Variants in RHOT2 observed in about 807,000 individuals in gnomAD.
RHOT2 encodes the protein ras homolog family member T2, also known as mitochondrial Rho GTPase 2.
In RHOT2, 90 loss-of-function variants were observed where a neutral mutation model predicts 81.6. The observed-to-expected ratio is 1.10, with a 90% CI of 0.93 to 1.31. RHOT2 has a LOEUF of 1.31. Ranked by LOEUF, RHOT2 falls within the 40% of genes most tolerant of loss-of-function variation. The pLI is 0.00. For missense variants in RHOT2, 1,014 were observed against 841.9 expected (o/e 1.20, Z -2.53); for synonymous variants, 512 against 370.9 (o/e 1.38, Z -4.37).
chr16:669,478 A>G, intron 4 of RHOT2, 75 bp from the exon 5 acceptor site: 4 of 1,482,368 alleles, frequency 2.7e-6, no homozygotes, highest in Non-Finnish European at 3.7e-6. Context: ...GAGCCTCGAG[A>G]TGGCGTGGAA....
At chr16:670,008 G>A in intron 5 of RHOT2, 115 bp from the exon 6 acceptor site, 1 of 953,150 alleles carries the variant, frequency 1.0e-6, no homozygotes, top group African/African-American at 1.7e-5. Context: ...CGGGACTTGG[G>A]CCCTCAGTGG....
chr16:671,264 A>C (rs1042703076), intron 11 of RHOT2, 61 bp downstream of exon 11: 18 of 1,504,234 alleles, frequency 1.2e-5, no homozygotes, highest in African/African-American at 8.4e-5. Flanking sequence ...ACTGCCGACT[A>C]TCTCTCCCCT....
rs757700414 is a variant in RHOT2, at chr16:670,254, C to G, written c.335C>G (p.Pro112Arg). ...ACCATGGGCCTTCAACCCAGGGTGCCCATCATCCTAGTGGGCAACAAGTCA... is the reference window on the plus strand; with the variant it reads ...ACCATGGGCCTTCAACCCAGGGTGCGCATCATCCTAGTGGGCAACAAGTCA... The part of the protein sequence containing the change: ...NGGTTQGPRV[P>R]IILVGNKSDL... The change falls in exon 7 of 19, where the codon CCC (proline) becomes CGC (arginine). Residue 112 changes from proline to arginine, a missense_variant. Physicochemically the swap from Pro to Arg is moderately radical, Grantham distance 103. Transcript: ENST00000315082. The G allele has an allele frequency of 6.2e-7, 1 of 1,612,582 alleles. No homozygotes were observed.
upstream of RHOT2, chr16:668,127 G>T (rs1184583547): frequency 1.2e-5 from 5 of 418,762 alleles, no homozygotes; most frequent in East Asian, 1.4e-4. Context: ...GGCGGGCGCG[G>T]GGGCAGAGCG....
In RHOT2 at chr16:669,542, T is replaced by C; in HGVS notation, c.223-11T>C. On this transcript the variant is annotated splice_polypyrimidine_tract_variant and intron_variant, in intron 4 of 18. Coordinates refer to ENST00000315082, the MANE Select transcript of RHOT2 (RefSeq NM_138769.3). The stretch of plus-strand genomic sequence containing the variant: ...AGCCCTGTCACCCACACCTCATCAC[T>C]GTTCCCTCAGGCAAACGTGGTGTGT... The C allele has an allele frequency of 6.2e-7, 1 of 1,611,452 alleles. No homozygotes were observed. The highest frequency in any genetic ancestry group is 8.5e-7 in the Non-Finnish European group (1 of 1,179,716).
Position 672,206 on chromosome 16 carries a change from T to TGGGCCC in RHOT2, c.1195+26_1195+31dup, listed in dbSNP as rs745322312. 7 of 1,612,398 alleles carry TGGGCCC rather than the reference T, an allele frequency of 4.3e-6. No homozygotes were observed. In the South Asian group the frequency reaches 7.7e-5, roughly 18 times the overall value. On this transcript the variant is annotated intron_variant, in intron 14 of 18. Transcript: ENST00000315082. Reference sequence around the variant, plus strand: ...GGTAGGCACCCACCCTCCCTGGGCCTGGGCCCAGTATCCTGGCAGCTGCCC... The same window carrying TGGGCCC: ...GGTAGGCACCCACCCTCCCTGGGCCTGGGCCCGGGCCCAGTATCCTGGCAGCTGCCC...
At chr16:670,643 C>T (rs750567316) in intron 8 of RHOT2, 32 bp from the exon 9 acceptor site, 30 of 1,607,882 alleles carry the variant, frequency 1.9e-5, no homozygotes, top group Non-Finnish European at 2.5e-5. Context: ...CGGCGTGGGT[C>T]ACCTGAGGGT....
chr16:668,385 C>G lies in RHOT2; in HGVS notation c.70C>G (p.Leu24Val). Residue 24 changes from leucine to valine, a missense_variant, in exon 2 of 19, where the codon CTG becomes GTG. By Grantham distance (32) the Leu-to-Val change is conservative (BLOSUM62 1). Coordinates refer to ENST00000315082, the MANE Select transcript of RHOT2 (RefSeq NM_138769.3). Reference sequence around the variant, plus strand: ...GGGGAAGACGTCGCTGATCCTGTCCCTGGTGGGCGAGGAGTTCCCCGAGGA... The same window carrying G: ...GGGGAAGACGTCGCTGATCCTGTCCGTGGTGGGCGAGGAGTTCCCCGAGGA... Reference protein sequence around the residue: ...QVGKTSLILSLVGEEFPEEVP... With the variant: ...QVGKTSLILSVVGEEFPEEVP... 1 of 1,462,568 alleles carries G rather than the reference C, an allele frequency of 6.8e-7. No homozygotes were observed. Among genetic ancestry groups the G allele is most frequent in the Non-Finnish European group, 9.0e-7 (1 of 1,114,316 alleles). 90.6% of individuals were successfully genotyped at this position (1,462,568 alleles called of 1,614,324 possible).
intron 18 of RHOT2, 82 bp downstream of exon 18, chr16:673,212 C>G: frequency 6.9e-7 from 1 of 1,451,178 alleles, no homozygotes; most frequent in Non-Finnish European, 9.5e-7. Flanking sequence ...AGGCCTGGAA[C>G]TGGGGACTAG....
rs766977136 is a variant in RHOT2 at position 670,491 on chromosome 16, G to A, written c.474G>A (p.Leu158=). Residue 158 remains leucine, a synonymous_variant, in exon 8 of 19, where the codon CTG becomes CTA. Coordinates refer to ENST00000315082, the MANE Select transcript of RHOT2 (RefSeq NM_138769.3). The part of the protein sequence containing the change: ...SAKNLRNISE[L]FYYAQKAVLH... ...AGAACCTGAGGAACATCTCAGAGCTGTTCTACTACGCCCAGAAGGCCGTCC... is the reference window on the plus strand; with the variant it reads ...AGAACCTGAGGAACATCTCAGAGCTATTCTACTACGCCCAGAAGGCCGTCC... The A allele has an allele frequency of 1.1e-5, 18 of 1,608,554 alleles. No homozygotes were observed. The highest frequency in any genetic ancestry group is 1.4e-5 in the Non-Finnish European group (17 of 1,177,636).
chr16:671,804 G>GCCCCTTC, intron 12 of RHOT2, 23 bp downstream of exon 12: 2 of 1,592,508 alleles, frequency 1.3e-6, no homozygotes, highest in Non-Finnish European at 1.7e-6. Context: ...CGAGTCCCCT[G>GCCCCTTC]CCCCTGCCCC....
Position 671,013 on chromosome 16 carries a change from G to C in RHOT2, c.748+13G>C. The C allele has an allele frequency of 6.3e-7, 1 of 1,599,774 alleles. No individual in the cohort carries two copies. Among genetic ancestry groups the C allele is most frequent in the Admixed American group, 1.7e-5 (1 of 59,142 alleles). ...CTGACCCTGGATGGTGAGGCCGGGT[G>C]CCCGCCTGTGCCTGGGGAGTGTGGG... On this transcript the variant is annotated intron_variant, in intron 10 of 18. Coordinates refer to ENST00000315082, the MANE Select transcript of RHOT2 (RefSeq NM_138769.3).
Position 668,688 on chromosome 16 carries a change from G to T in RHOT2, c.211G>T (p.Glu71Ter). 1 of 1,603,770 alleles carries T rather than the reference G, an allele frequency of 6.2e-7. No homozygotes were observed. The highest frequency in any genetic ancestry group is 8.5e-7 in the Non-Finnish European group (1 of 1,176,234). The part of the protein sequence containing the change: ...AEQTDEELRE[E>*]IHKANVVCVV... ...GCAGACGGACGAGGAGCTGCGGGAG[G>T]AGATCCACAAGGTACCCGTGGTGCG... The change falls in exon 4 of 19, where the codon GAG becomes TAG. Residue 71 changes from glutamate to a stop codon, truncating the protein, a stop_gained. Coordinates refer to ENST00000315082, the MANE Select transcript of RHOT2 (RefSeq NM_138769.3). LOFTEE classifies it high-confidence loss of function.
intron 5 of RHOT2, 117 bp from the exon 6 acceptor site, chr16:670,006 G>A (rs1232812829): frequency 4.3e-6 from 4 of 926,312 alleles, no homozygotes; most frequent in Admixed American, 2.8e-5. Context: ...GCCGGGACTT[G>A]GGCCCTCAGT....
chr16:673,346 G>T (rs2039284375), intron 18 of RHOT2, 134 bp from the exon 19 acceptor site: 2 of 1,390,326 alleles, frequency 1.4e-6, no homozygotes, highest in Non-Finnish European at 2.0e-6. Context: ...CCAGGGCCTG[G>T]CCTCCACCGG....
Position 669,541 on chromosome 16 carries a change from C to G in RHOT2, c.223-12C>G, listed in dbSNP as rs1478926458. The G allele has an allele frequency of 3.7e-6, 6 of 1,611,378 alleles. No individual in the cohort carries two copies. Among genetic ancestry groups the G allele is most frequent in the Non-Finnish European group, 5.1e-6 (6 of 1,179,694 alleles). On this transcript the variant is annotated splice_polypyrimidine_tract_variant and intron_variant, in intron 4 of 18. Transcript: ENST00000315082. ...CAGCCCTGTCACCCACACCTCATCA[C>G]TGTTCCCTCAGGCAAACGTGGTGTG...
In RHOT2 at chr16:672,472, G is replaced by A. The variant is rs201192212; in HGVS notation, c.1327-17G>A. Reference sequence around the variant, plus strand: ...GGGCACTGCAGCCAGCGAGTGTCAGGACTTCACCTCCCTCAGCACCAGGAC... The same window carrying A: ...GGGCACTGCAGCCAGCGAGTGTCAGAACTTCACCTCCCTCAGCACCAGGAC... On this transcript the variant is annotated splice_polypyrimidine_tract_variant and intron_variant, in intron 15 of 18. Coordinates refer to ENST00000315082, the MANE Select transcript of RHOT2 (RefSeq NM_138769.3). 349 of 1,612,372 alleles carry A rather than the reference G, an allele frequency of 2.2e-4. 5 individuals are homozygous for A. The South Asian group carries it at 2.4e-3, about 11-fold the overall frequency.
Position 671,703 on chromosome 16 carries a change from C to A in RHOT2, c.876C>A (p.His292Gln), listed in dbSNP as rs780686743. The change falls in exon 12 of 19, where the codon CAC becomes CAA. Residue 292 changes from histidine (H) to glutamine (Q), a missense_variant. Transcript: ENST00000315082. ...LTADYLSPLI[H>Q]VPPGCSTELN... ...GGCTGTGGCCTCCCTGCAGGATCCA[C>A]GTGCCCCCCGGCTGCAGCACGGAGC... is the stretch of plus-strand genomic sequence containing the variant. 6.2e-7 allele frequency: 1 copy of A among 1,611,814 alleles called. No homozygotes were observed. Among genetic ancestry groups the A allele is most frequent in the Non-Finnish European group, 8.5e-7 (1 of 1,179,418 alleles).
Position 673,528 on chromosome 16 carries a change from G to C in RHOT2, c.1779G>C (p.Gly593=). Residue 593 remains glycine, a synonymous_variant, in exon 19 of 19, where the codon GGG becomes GGC. Transcript: ENST00000315082. The stretch of plus-strand genomic sequence containing the variant: ...ATCCCTCTTCCTTCTGGCTCCGGGG[G>C]CTGCTGGGGGTTGTCGGGGCCGCCG... ...ELHPSSFWLR[G]LLGVVGAAVA... 6.2e-7 allele frequency: 1 copy of C among 1,612,670 alleles called. No individual in the cohort carries two copies. Among genetic ancestry groups the C allele is most frequent in the Non-Finnish European group, 8.5e-7 (1 of 1,179,928 alleles).
Sources: gnomAD v4.1 joint callset for allele counts on GRCh38, gnomAD v4.1.1 for gene constraint, MANE v1.5 for transcripts, NCBI Gene and HGNC (gene_info 2026-07-23, HGNC 2026-07-21) for gene names.